Variants in TTLL11 observed in about 807,000 individuals in gnomAD.
TTLL11 encodes tubulin tyrosine ligase like 11, also known as tubulin polyglutamylase TTLL11.
TTLL11 carries 42 observed loss-of-function variants against 51.7 expected under a neutral mutation model. The ratio of observed to expected loss-of-function variants is 0.81; its 90% CI spans 0.64 to 1.05. The LOEUF (loss-of-function observed/expected upper bound fraction) is 1.05, where lower values mean the gene tolerates loss of function less well. TTLL11 is among the 50% of genes least tolerant of loss of function. The pLI is 0.00. For missense variants in TTLL11, 799 were observed against 940.4 expected (o/e 0.85, Z 1.97); for synonymous variants, 381 against 383.5 (o/e 0.99, Z 0.08).
rs1373428368 is a variant in TTLL11, at chr9:121,818,884, C to T, written c.*3703G>A. The T allele has an allele frequency of 1.3e-5, 2 of 152,492 alleles. No individual in the cohort carries two copies. The highest frequency in any genetic ancestry group is 1.5e-5 in the Non-Finnish European group (1 of 68,332). 9.4% of individuals were successfully genotyped at this position (152,492 alleles called of 1,614,324 possible). On this transcript the variant is annotated 3_prime_UTR_variant, in exon 9 of 9. Transcript: ENST00000321582. ...TTAGGATGGAAAGAAGGGAAGGGTG[C>T]CGATAAGGGCTGCTTTCAATAGGTG...
At chr9:121,986,409 G>A (rs1842942645) in intron 4 of TTLL11, among the ~76,000 whole-genome samples, 1 of 152,218 alleles carries the variant, frequency 6.6e-6, no homozygotes, top group African/African-American at 2.4e-5. Flanking sequence ...GGTCCCCCGG[G>A]ATGACCCCTG....
intron 7 of TTLL11, among the ~76,000 whole-genome samples, chr9:121,861,721 C>T (rs917834230): frequency 5.3e-5 from 8 of 152,144 alleles, no homozygotes; most frequent in African/African-American, 1.9e-4. Flanking sequence ...AGGATGACAG[C>T]ATGTCAACAG....
intron 1 of TTLL11, among the ~76,000 whole-genome samples, chr9:122,092,189 G>C (rs1173188549): frequency 6.6e-6 from 1 of 152,184 alleles, no homozygotes; most frequent in Non-Finnish European, 1.5e-5. Context: ...AGGCTGAAGA[G>C]GTGAAGCAAC....
chr9:122,078,590 T>C (rs966638199), intron 1 of TTLL11, among the ~76,000 whole-genome samples: 2 of 152,190 alleles, frequency 1.3e-5, no homozygotes, highest in Non-Finnish European at 2.9e-5. Context: ...GGGCCAAGTG[T>C]TAATTTTTTT....
At chr9:121,883,167 G>A (rs778274038) in intron 6 of TTLL11, among the ~76,000 whole-genome samples, 8 of 152,102 alleles carry the variant, frequency 5.3e-5, no homozygotes, top group Non-Finnish European at 8.8e-5. Context: ...ATAATTTATG[G>A]TGATGAGAAT....
intron 8 of TTLL11, among the ~76,000 whole-genome samples, chr9:121,835,273 G>C (rs112997443): frequency 0.013 from 1,996 of 152,270 alleles, 53 homozygotes; most frequent in African/African-American, 0.046. Context: ...AAGAGACTGG[G>C]CTGCCAATAC....
At chr9:121,978,662 T>C (rs1216719737) in intron 4 of TTLL11, among the ~76,000 whole-genome samples, 2 of 152,160 alleles carry the variant, frequency 1.3e-5, no homozygotes, top group African/African-American at 4.8e-5. Context: ...CACCTTCTAC[T>C]TGAGGGGCTC....
chr9:122,072,970 ATGTT>A (rs1845765704), intron 1 of TTLL11, among the ~76,000 whole-genome samples: 1 of 152,160 alleles, frequency 6.6e-6, no homozygotes, highest in African/African-American at 2.4e-5. Context: ...GGCTTAGAAA[ATGTT>A]TGAGGAATGA....
chr9:121,982,487 C>T (rs867446189), intron 4 of TTLL11, among the ~76,000 whole-genome samples: 6 of 152,002 alleles, frequency 3.9e-5, no homozygotes, highest in Admixed American at 6.5e-5. Context: ...GAGGCCGAGG[C>T]GGGTGGATCA....
intron 6 of TTLL11, among the ~76,000 whole-genome samples, chr9:121,960,877 C>A (rs1842198092): frequency 6.6e-6 from 1 of 152,104 alleles, no homozygotes; most frequent in Non-Finnish European, 1.5e-5. Flanking sequence ...AGAGGATGAG[C>A]CTGGGGGTGG....
chr9:122,015,807 CAA>C (rs11297849), intron 3 of TTLL11, among the ~76,000 whole-genome samples: 105 of 94,442 alleles, frequency 1.1e-3, no homozygotes, highest in South Asian at 2.4e-3. Context: ...TCAAAAGAGA[CAA>C]AAAAAAAAAA....
chr9:122,017,337 A>G (rs1197694012), intron 3 of TTLL11, among the ~76,000 whole-genome samples: 4 of 152,142 alleles, frequency 2.6e-5, no homozygotes, highest in Non-Finnish European at 5.9e-5. Context: ...TGTCAATTCC[A>G]CTTTGAGATA....
At chr9:121,931,763 G>C (rs906854700) in intron 6 of TTLL11, among the ~76,000 whole-genome samples, 18 of 152,050 alleles carry the variant, frequency 1.2e-4, no homozygotes, top group Admixed American at 6.6e-5. Context: ...CTAGCCTCCT[G>C]ACACCCTGGG....
chr9:121,823,914 C>T (rs1267109935), intron 8 of TTLL11, among the ~76,000 whole-genome samples: 1 of 152,186 alleles, frequency 6.6e-6, no homozygotes, highest in Non-Finnish European at 1.5e-5. Flanking sequence ...AAAACCTTCC[C>T]TGATCCCCAG....
At chr9:122,078,532 T>C (rs138923465) in intron 1 of TTLL11, among the ~76,000 whole-genome samples, 3 of 152,316 alleles carry the variant, frequency 2.0e-5, no homozygotes, top group African/African-American at 2.4e-5. Context: ...GTGGTGTCAG[T>C]AGTGCATAAA....
intron 7 of TTLL11, among the ~76,000 whole-genome samples, chr9:121,870,045 TA>T (rs1483703317): frequency 6.6e-6 from 1 of 152,242 alleles, no homozygotes; most frequent in East Asian, 1.9e-4. Flanking sequence ...ACAAATGTAT[TA>T]AAATATTTAT....
intron 6 of TTLL11, among the ~76,000 whole-genome samples, chr9:121,933,397 C>CTTG (rs1841069152): frequency 6.6e-6 from 1 of 152,078 alleles, no homozygotes; most frequent in African/African-American, 2.4e-5. Flanking sequence ...AGAAGAGAGT[C>CTTG]AGGCTGGAGT....
chr9:121,939,817 T>A (rs1841374510), intron 6 of TTLL11, among the ~76,000 whole-genome samples: 2 of 152,096 alleles, frequency 1.3e-5, no homozygotes, highest in Non-Finnish European at 2.9e-5. Flanking sequence ...AGACAGCAGG[T>A]AAGGCACCTC....
At chr9:122,024,456 G>A (rs1844270970) in intron 3 of TTLL11, among the ~76,000 whole-genome samples, 1 of 152,050 alleles carries the variant, frequency 6.6e-6, no homozygotes, top group Non-Finnish European at 1.5e-5. Context: ...TCATATGGCT[G>A]ATCAAAGACT....
Sources: allele counts gnomAD v4.1 joint callset (sites outside exome capture counted in the v4.1 genomes callset), GRCh38; gene constraint gnomAD v4.1.1; transcripts MANE v1.5; gene names NCBI Gene and HGNC (gene_info 2026-07-23, HGNC 2026-07-21).